The following ABLIM2 variants were observed in gnomAD, a reference collection of about 807,000 sequenced individuals.
ABLIM2 encodes the protein actin binding LIM protein family member 2, also known as actin-binding LIM protein 2.
ABLIM2 carries 53 observed loss-of-function variants against 97.7 expected under a neutral mutation model. That is an observed-to-expected ratio of 0.54 (90% CI 0.44 to 0.68). ABLIM2 has a LOEUF of 0.68. Ranked by LOEUF, ABLIM2 falls within the 30% of genes least tolerant of loss-of-function variation. ABLIM2 has a pLI of 0.00. For synonymous variants in ABLIM2, 361 were observed against 345.8 expected, an observed-to-expected ratio of 1.04 and a Z score of -0.49; for missense variants, 835 against 867.2, an observed-to-expected ratio of 0.96 and a Z score of 0.47.
At chr4:7,982,701 C>CATTATT (rs59501197) in intron 20 of ABLIM2, among the ~76,000 whole-genome samples, 169 of 151,044 alleles carry the variant, frequency 1.1e-3, no homozygotes, top group Middle Eastern at 3.5e-3. Context: ...CTGCAGAGCT[C>CATTATT]ATTATTATTA....
At chr4:8,026,466 C>T (rs1579023556) in intron 12 of ABLIM2, among the ~76,000 whole-genome samples, 1 of 152,264 alleles carries the variant, frequency 6.6e-6, no homozygotes, top group Admixed American at 6.5e-5. Flanking sequence ...GTGTGCAGGT[C>T]TGAATGAACC....
At chr4:8,000,747 T>G (rs1203029708) in intron 16 of ABLIM2, among the ~76,000 whole-genome samples, 1 of 152,076 alleles carries the variant, frequency 6.6e-6, no homozygotes, top group Non-Finnish European at 1.5e-5. Flanking sequence ...CAAGCACGGA[T>G]GGCGAGGCTG....
chr4:8,142,074 C>T (rs893601047), intron 1 of ABLIM2, among the ~76,000 whole-genome samples: 7 of 152,204 alleles, frequency 4.6e-5, no homozygotes, highest in African/African-American at 1.4e-4. Context: ...CCTCTAGTGG[C>T]GCAGCTGTTC....
rs1290758255 is a variant in ABLIM2 at position 8,140,005 on chromosome 4, G to GA, written c.10+18674dup. Among the ~76,000 whole-genome samples the GA allele has an allele frequency of 6.6e-6, 1 of 150,562 alleles. No individual in the cohort carries two copies. The highest frequency in any genetic ancestry group is 1.5e-5 in the Non-Finnish European group (1 of 67,888). On this transcript the variant is annotated intron_variant, in intron 1 of 20. Transcript: ENST00000447017. This position sits in a 1 kb window ranked among gnomAD's most constrained non-coding sequence, Gnocchi z 5.9. ...TCCTTAGCAAACTAACACAGGAACA[G>GA]AAAACCAAACACTACATGTTCTCAC...
chr4:8,059,876 C>T (rs1033887249), intron 7 of ABLIM2, among the ~76,000 whole-genome samples: 9 of 147,586 alleles, frequency 6.1e-5, no homozygotes, highest in Non-Finnish European at 8.9e-5. Context: ...ACTGCACTTC[C>T]AGCCTGGGCA....
rs1235223802 is a variant in ABLIM2, at chr4:8,015,259, T to G, written c.1423+4359A>C. On this transcript the variant is annotated intron_variant, in intron 14 of 20. Transcript: ENST00000447017. This position sits in a 1 kb window ranked among gnomAD's most constrained non-coding sequence, Gnocchi z 4.6. ...TCTAGGACAGCCTCTCTGCATTCAC[T>G]GCACTGCAGAAGGAGAGGTTAGCGT... Among the ~76,000 whole-genome samples the G allele has an allele frequency of 6.6e-6, 1 of 152,120 alleles. No individual in the cohort carries two copies. Among genetic ancestry groups the G allele is most frequent in the East Asian group, 1.9e-4 (1 of 5,178 alleles).
chr4:8,009,817 C>T (rs964596835), intron 14 of ABLIM2, among the ~76,000 whole-genome samples: 2 of 152,190 alleles, frequency 1.3e-5, no homozygotes, highest in Non-Finnish European at 2.9e-5. Context: ...CTACCCCGCC[C>T]ACCCCCGCAG....
chr4:7,974,526 T>TG (rs1372543240), intron 20 of ABLIM2, among the ~76,000 whole-genome samples: 1 of 144,150 alleles, frequency 6.9e-6, no homozygotes, highest in Non-Finnish European at 1.5e-5. Flanking sequence ...TGTCCACCCA[T>TG]GCATTAATCC....
intron 3 of ABLIM2, among the ~76,000 whole-genome samples, chr4:8,092,679 C>A (rs73216499): frequency 0.28 from 42,262 of 151,824 alleles, 7,082 homozygotes; most frequent in Middle Eastern, 0.39. Context: ...CCCTTAAACA[C>A]TGAAGTGTCC....
rs1189810069 is a variant in ABLIM2 at position 8,091,665 on chromosome 4, T to A, written c.339-3381A>T. Among the ~76,000 whole-genome samples the A allele has an allele frequency of 6.8e-4, 35 of 51,514 alleles. 1 individual carries two copies. Among genetic ancestry groups the A allele is most frequent in the South Asian group, 2.5e-3 (5 of 1,980 alleles). 33.8% of individuals were successfully genotyped at this position (51,514 alleles called of 152,430 possible). A position where few individuals can be genotyped will look rare whatever the true frequency, so the allele number is the denominator to read the frequency against. ...ATTTTATATATTATATAATTATATA[T>A]TATATAAAATTATATATAATTATAT... On this transcript the variant is annotated intron_variant, in intron 3 of 20. Transcript: ENST00000447017.
intron 6 of ABLIM2, among the ~76,000 whole-genome samples, chr4:8,066,892 G>T (rs75614082): frequency 0.028 from 4,227 of 152,276 alleles, 190 homozygotes; most frequent in African/African-American, 0.096. Flanking sequence ...TTAATTGTAC[G>T]TTACGTGAAT....
Position 8,067,912 on chromosome 4 carries a change from C to T in ABLIM2, c.676-6858G>A, listed in dbSNP as rs950371370. On this transcript the variant is annotated intron_variant, in intron 6 of 20. Transcript: ENST00000447017. This position sits in a 1 kb window ranked among gnomAD's most constrained non-coding sequence, Gnocchi z 5.4. ...CTCTGTGATTCCAGAGGACATTTAG[C>T]TGGAAGGTACCGGCATGGCACAGGT... 7.2e-5 allele frequency among the ~76,000 whole-genome samples: 11 copies of T among 152,164 alleles called. No individual in the cohort carries two copies. The highest frequency in any genetic ancestry group is 2.7e-4 in the African/African-American group (11 of 41,444).
At chr4:8,142,363 G>A (rs1851119886) in intron 1 of ABLIM2, among the ~76,000 whole-genome samples, 2 of 152,190 alleles carry the variant, frequency 1.3e-5, no homozygotes, top group African/African-American at 2.4e-5. Flanking sequence ...CCTGGGGCCA[G>A]CACCGAGGTG....
At chr4:8,156,554 A>G (rs1301340579) in intron 1 of ABLIM2, among the ~76,000 whole-genome samples, 1 of 152,222 alleles carries the variant, frequency 6.6e-6, no homozygotes, top group African/African-American at 2.4e-5. Context: ...CAGGAACTGA[A>G]GACATGGACA....
rs1428077143 is a variant in ABLIM2, at chr4:8,150,673, T to C, written c.10+8007A>G. 6.6e-6 allele frequency among the ~76,000 whole-genome samples: 1 copy of C among 152,144 alleles called. No homozygotes were observed. Among genetic ancestry groups the C allele is most frequent in the Non-Finnish European group, 1.5e-5 (1 of 68,020 alleles). On this transcript the variant is annotated intron_variant, in intron 1 of 20. Coordinates refer to ENST00000447017, the MANE Select transcript of ABLIM2 (RefSeq NM_001130083.2). This position sits in a 1 kb window ranked among gnomAD's most constrained non-coding sequence, Gnocchi z 6.3. ...GCTGCTCAGTAGAATGCAGCTAAAA[T>C]GAAGCTTCGAGCTGAGACCGATGAC...
rs1244651341 is a variant in ABLIM2 at position 8,043,023 on chromosome 4, T to C, written c.900+2141A>G. The stretch of plus-strand genomic sequence containing the variant: ...AAAATTAGCCAGGTGTGATGGTGCA[T>C]GCCTGTAGTCCCAGCTACTCGGGAT... On this transcript the variant is annotated intron_variant, in intron 9 of 20. Transcript: ENST00000447017. The surrounding 1 kb of genome is among the most constrained non-coding windows in gnomAD (Gnocchi z 4.8). Among the ~76,000 whole-genome samples the C allele has an allele frequency of 6.6e-6, 1 of 151,860 alleles. No homozygotes were observed. The highest frequency in any genetic ancestry group is 1.5e-5 in the Non-Finnish European group (1 of 67,990).
In ABLIM2 at chr4:8,052,006, C is replaced by T. The variant is rs80123932; in HGVS notation, c.822+2182G>A. ...CTGTCTTGGCTTTGGAGCCCCCCCTCCCTCTTTCTCTCTACCAGGGAGCTT... is the reference window on the plus strand; with the variant it reads ...CTGTCTTGGCTTTGGAGCCCCCCCTTCCTCTTTCTCTCTACCAGGGAGCTT... On this transcript the variant is annotated intron_variant, in intron 8 of 20. Coordinates refer to ENST00000447017, the MANE Select transcript of ABLIM2 (RefSeq NM_001130083.2). Among the ~76,000 whole-genome samples the T allele has an allele frequency of 3.5e-3, 534 of 152,320 alleles. 2 individuals are homozygous for T. The highest frequency in any genetic ancestry group is 0.012 in the African/African-American group (496 of 41,568).
intron 2 of ABLIM2, among the ~76,000 whole-genome samples, chr4:8,105,549 C>T (rs1347324264): frequency 1.3e-5 from 2 of 152,194 alleles, no homozygotes; most frequent in Admixed American, 1.3e-4. Context: ...GGCACATTTC[C>T]TAGTTTTGTT....
chr4:8,094,871 T>C (rs1234748704), intron 3 of ABLIM2, among the ~76,000 whole-genome samples: 5 of 152,036 alleles, frequency 3.3e-5, no homozygotes, highest in Non-Finnish European at 5.9e-5. Flanking sequence ...CAATTACTTT[T>C]GCAACAACCT....
Sources: gnomAD v4.1 joint callset for allele counts (sites outside exome capture counted in the v4.1 genomes callset) on GRCh38, gnomAD v4.1.1 for gene constraint, Gnocchi (gnomAD v3.1) non-coding constraint, MANE v1.5 for transcripts, NCBI Gene and HGNC (gene_info 2026-07-23, HGNC 2026-07-21) for gene names.